The following KMT2E variants were observed in gnomAD, a reference collection of about 807,000 sequenced individuals.
KMT2E encodes lysine methyltransferase 2E (inactive), also known as histone reader KMT2E.
KMT2E carries 30 observed loss-of-function variants against 184.6 expected under a neutral mutation model. That is an observed-to-expected ratio of 0.16 (90% CI 0.12 to 0.22). The LOEUF (loss-of-function observed/expected upper bound fraction) is 0.22, where lower values mean the gene tolerates loss of function less well. Among genes scored for constraint, KMT2E ranks in the 10% least tolerant of loss-of-function variants. KMT2E has a pLI of 1.00. For synonymous variants in KMT2E, 815 were observed against 776.5 expected, an observed-to-expected ratio of 1.05 and a Z score of -0.82; for missense variants, 2,023 against 2,237.4, an observed-to-expected ratio of 0.90 and a Z score of 1.93.
chr7:105,092,299 G>T (rs1798238561), intron 15 of KMT2E, among the ~76,000 whole-genome samples: 1 of 152,128 alleles, frequency 6.6e-6, no homozygotes, highest in South Asian at 2.1e-4. Context: ...CTATTCAAGA[G>T]GCTGAGGTGG....
intron 17 of KMT2E, chr7:105,103,054 C>G (rs1364360126): frequency 2.0e-5 from 3 of 152,152 alleles, no homozygotes; most frequent in Non-Finnish European, 2.9e-5. Flanking sequence ...AGTCTGTACT[C>G]TCCTTACTGC....
At chr7:105,063,756 G>A (rs1796915293) in intron 5 of KMT2E, 176 bp downstream of exon 5, 1 of 566,732 alleles carries the variant, frequency 1.8e-6, no homozygotes, top group Admixed American at 3.4e-5. Flanking sequence ...GAGTTTACTA[G>A]AAATCCCTGT....
At chr7:105,076,840 ATTATG>A (rs1048943204) in intron 9 of KMT2E, 118 bp from the exon 10 acceptor site, 1 of 712,506 alleles carries the variant, frequency 1.4e-6, no homozygotes, top group Non-Finnish European at 2.4e-6. Flanking sequence ...TCTAGTTTAT[ATTATG>A]TTCTTTTGTA....
chr7:105,076,151 A>G, intron 9 of KMT2E, 70 bp downstream of exon 9: 2 of 1,073,862 alleles, frequency 1.9e-6, no homozygotes, highest in Non-Finnish European at 2.9e-6. Flanking sequence ...TTGCTTGACC[A>G]TATCTTTACT....
At chr7:105,093,742 T>C (rs1798300492) in intron 15 of KMT2E, among the ~76,000 whole-genome samples, 1 of 152,116 alleles carries the variant, frequency 6.6e-6, no homozygotes, top group African/African-American at 2.4e-5. Flanking sequence ...AGAAAATATA[T>C]ATGTATATTG....
intron 1 of KMT2E, among the ~76,000 whole-genome samples, chr7:105,031,526 CA>C (rs1795416933): frequency 6.8e-6 from 1 of 146,676 alleles, no homozygotes; most frequent in African/African-American, 2.5e-5. Context: ...CCAAGGTGGG[CA>C]GATCACTTGA....
Position 105,014,214 on chromosome 7 carries a change from G to A in KMT2E, c.-510G>A, listed in dbSNP as rs561279457. 7 of 200,260 alleles carry A rather than the reference G, an allele frequency of 3.5e-5. No individual in the cohort carries two copies. The East Asian group carries it at 7.4e-4, about 21-fold the overall frequency. The allele number at this position is 200,260 out of a possible 1,614,324, so 12.4% of individuals were successfully genotyped here. On this transcript the variant is annotated 5_prime_UTR_variant, in exon 1 of 27. Coordinates refer to ENST00000311117, the MANE Select transcript of KMT2E (RefSeq NM_182931.3). The stretch of plus-strand genomic sequence containing the variant: ...CCGCCGCCATTTTCCCAGAGCGAGA[G>A]GCAGTGACACTGAGCGGGCGCAGGG...
In KMT2E at chr7:105,076,937, T is replaced by TA. The variant is rs140752952; in HGVS notation, c.769-25dup. 1.7e-3 allele frequency: 2,199 copies of TA among 1,320,426 alleles called. 32 individuals are homozygous for TA. The East Asian group carries it at 0.022, about 13-fold the overall frequency. The allele number at this position is 1,320,426 out of a possible 1,614,324, so 81.8% of individuals were successfully genotyped here. On this transcript the variant is annotated intron_variant, in intron 9 of 26. Coordinates refer to ENST00000311117, the MANE Select transcript of KMT2E (RefSeq NM_182931.3). ...GTGTGTGTAAGTCCGTAAGTCCAGA[T>TA]ACTAAAGCTCAGTTTATGATTTTAG... is the stretch of plus-strand genomic sequence containing the variant.
intron 15 of KMT2E, among the ~76,000 whole-genome samples, chr7:105,092,306 G>A (rs1320375972): frequency 2.0e-5 from 3 of 152,276 alleles, no homozygotes; most frequent in Admixed American, 6.5e-5. Context: ...AGAGGCTGAG[G>A]TGGAAGAATT....
rs780723486 is a variant in KMT2E at position 105,112,130 on chromosome 7, AC to A, written c.4376del (p.Pro1459LeufsTer16). The A allele has an allele frequency of 6.2e-7, 1 of 1,613,932 alleles. No individual in the cohort carries two copies. Among genetic ancestry groups the A allele is most frequent in the Non-Finnish European group, 8.5e-7 (1 of 1,179,982 alleles). On this transcript the variant is annotated frameshift_variant, in exon 27 of 27. Coordinates refer to ENST00000311117, the MANE Select transcript of KMT2E (RefSeq NM_182931.3). LOFTEE classifies it high-confidence loss of function. Reference sequence around the variant, plus strand: ...CTCCAAAGTCATCCACGCCTCACACACCTGTACAGCATGGTTATCTTTCACC... The same window carrying A: ...CTCCAAAGTCATCCACGCCTCACACACTGTACAGCATGGTTATCTTTCACC... ...NPPKSSTPHT[P>X]VQHGYLSPKP...
intron 3 of KMT2E, among the ~76,000 whole-genome samples, chr7:105,047,900 T>A (rs1796174343): frequency 6.6e-6 from 1 of 152,236 alleles, no homozygotes; most frequent in Non-Finnish European, 1.5e-5. Flanking sequence ...TAGAACACTT[T>A]TAACCCTTCT....
chr7:105,027,790 G>C (rs1172522494), intron 1 of KMT2E, among the ~76,000 whole-genome samples: 3 of 152,066 alleles, frequency 2.0e-5, no homozygotes, highest in African/African-American at 7.2e-5. Flanking sequence ...GTTTAAACTT[G>C]AAAGTATTTA....
At chr7:105,026,939 A>G (rs1795198735) in intron 1 of KMT2E, among the ~76,000 whole-genome samples, 1 of 152,192 alleles carries the variant, frequency 6.6e-6, no homozygotes. Context: ...GGGAAAAGCA[A>G]TTCTAGTTCA....
chr7:105,015,303 T>A (rs1794670435), intron 1 of KMT2E, among the ~76,000 whole-genome samples: 1 of 152,212 alleles, frequency 6.6e-6, no homozygotes, highest in South Asian at 2.1e-4. Flanking sequence ...AACGGTTCAC[T>A]GTGCTAAACG....
chr7:105,062,323 G>A, intron 4 of KMT2E, 45 bp downstream of exon 4: 1 of 1,336,728 alleles, frequency 7.5e-7, no homozygotes, highest in Non-Finnish European at 1.1e-6. Flanking sequence ...TAAATTTAGA[G>A]ATTGAAAGTA....
chr7:105,064,635 T>C (rs1286530693), intron 5 of KMT2E, among the ~76,000 whole-genome samples: 4 of 152,180 alleles, frequency 2.6e-5, no homozygotes, highest in Non-Finnish European at 5.9e-5. Flanking sequence ...AGTTGTAATA[T>C]TAACACTGAG....
chr7:105,082,666 G>T (rs1280360866), intron 13 of KMT2E, among the ~76,000 whole-genome samples: 1 of 152,044 alleles, frequency 6.6e-6, no homozygotes, highest in East Asian at 1.9e-4. Context: ...GGCAGGAGAG[G>T]GAAGCACATA....
intron 1 of KMT2E, among the ~76,000 whole-genome samples, chr7:105,017,325 T>C (rs1794756103): frequency 6.6e-6 from 1 of 152,146 alleles, no homozygotes; most frequent in Admixed American, 6.5e-5. Context: ...TTAGAAATTA[T>C]AGGAAAAGCT....
intron 1 of KMT2E, among the ~76,000 whole-genome samples, chr7:105,026,786 T>C (rs866943239): frequency 6.6e-6 from 1 of 152,240 alleles, no homozygotes; most frequent in Non-Finnish European, 1.5e-5. Flanking sequence ...GAGAAACTGG[T>C]AATTATCATT....
Sources: allele counts gnomAD v4.1 joint callset (sites outside exome capture counted in the v4.1 genomes callset), GRCh38; gene constraint gnomAD v4.1.1; transcripts MANE v1.5; gene names NCBI Gene and HGNC (gene_info 2026-07-23, HGNC 2026-07-21).